STARD8: variants seen among roughly 807,000 people sequenced by gnomAD.
STARD8 encodes stAR-related lipid transfer protein 8.
A neutral mutation model predicts 69.4 loss-of-function variants in STARD8; 25 were observed. The ratio of observed to expected loss-of-function variants is 0.36; its 90% CI spans 0.26 to 0.50. The LOEUF (loss-of-function observed/expected upper bound fraction) is 0.50. Ranked by LOEUF, STARD8 falls within the 20% of genes least tolerant of loss-of-function variation. The pLI is 0.96. For synonymous variants in STARD8, 389 were observed against 374.6 expected, an observed-to-expected ratio of 1.04 and a Z score of -0.45; for missense variants, 921 against 932.5, an observed-to-expected ratio of 0.99 and a Z score of 0.16.
At chrX:68,715,182 CTT>C (rs950812779) in intron 3 of STARD8, 110 bp from the exon 4 acceptor site, 4 of 632,877 alleles carry the variant, frequency 6.3e-6, no homozygotes, top group Admixed American at 3.6e-5. Flanking sequence ...TGCTTTGCCT[CTT>C]GTCTTCCTGC....
intron 2 of STARD8, among the ~76,000 whole-genome samples, chrX:68,694,332 G>C (rs752102578): frequency 8.9e-6 from 1 of 112,913 alleles, no homozygotes; most frequent in African/African-American, 3.2e-5. Context: ...AAATGCCCAG[G>C]ACTTCTTGGT....
chrX:68,694,851 C>A (rs1046551956), intron 2 of STARD8, among the ~76,000 whole-genome samples: 5 of 110,904 alleles, frequency 4.5e-5, no homozygotes, highest in East Asian at 2.8e-4. Flanking sequence ...GCAGCCAGAC[C>A]AAGGTAGGGA....
At chrX:68,683,643 A>AATTT (rs2079813312) in intron 2 of STARD8, among the ~76,000 whole-genome samples, 2 of 112,349 alleles carry the variant, frequency 1.8e-5, no homozygotes, top group African/African-American at 6.5e-5. Context: ...AAGGATGCAT[A>AATTT]CTAGAGTTAA....
At chrX:68,671,359 T>C (rs1375450413) in intron 2 of STARD8, among the ~76,000 whole-genome samples, 1 of 112,329 alleles carries the variant, frequency 8.9e-6, no homozygotes, top group Non-Finnish European at 1.9e-5. Context: ...CCATAGCTAT[T>C]ACATTATAAA....
At position 68,721,106 on chromosome X, in the gene STARD8, C is replaced by T; in HGVS notation, c.2232C>T (p.Phe744=). 1 of 1,212,003 alleles carries T rather than the reference C, an allele frequency of 8.3e-7. No individual in the cohort carries two copies. The change falls in exon 9 of 15, where the codon TTC becomes TTT. Residue 744 remains phenylalanine (F), a synonymous_variant. Coordinates refer to ENST00000374599, the MANE Select transcript of STARD8 (RefSeq NM_001142503.3). ...TCACCAGCAAGCTCACCACCACTTT[C>T]CTCCAGATCTACCAGCGTGAGTCGC... ...PIFTSKLTTT[F]LQIYQLLPKD...
At chrX:68,660,454 A>G (rs973380252) in intron 1 of STARD8, among the ~76,000 whole-genome samples, 1 of 111,745 alleles carries the variant, frequency 8.9e-6, no homozygotes, top group African/African-American at 3.3e-5. Context: ...CCCAGCAGAC[A>G]TCACATCCCG....
At chrX:68,677,627 C>T (rs1005829762) in intron 2 of STARD8, among the ~76,000 whole-genome samples, 1 of 111,588 alleles carries the variant, frequency 9.0e-6, no homozygotes, top group Non-Finnish European at 1.9e-5. Context: ...TGAAGCCAAA[C>T]CCAGCTGAGA....
chrX:68,655,124 A>G (rs2079603297), intron 1 of STARD8, among the ~76,000 whole-genome samples: 3 of 111,532 alleles, frequency 2.7e-5, no homozygotes, highest in South Asian at 7.7e-4. Context: ...CCTCTATCAC[A>G]TCTTACCAAA....
At chrX:68,691,551 G>A (rs763361775) in intron 2 of STARD8, among the ~76,000 whole-genome samples, 8 of 112,109 alleles carry the variant, frequency 7.1e-5, no homozygotes, top group African/African-American at 2.6e-4. Flanking sequence ...CCCTGATATC[G>A]CTTGGGCCAT....
chrX:68,682,167 T>C (rs1352953080), intron 2 of STARD8, among the ~76,000 whole-genome samples: 1 of 110,622 alleles, frequency 9.0e-6, no homozygotes, highest in African/African-American at 3.3e-5. Context: ...CCTGGCTAAT[T>C]TTTGTATTTT....
intron 1 of STARD8, among the ~76,000 whole-genome samples, chrX:68,650,916 T>G (rs2079544883): frequency 8.9e-6 from 1 of 112,888 alleles, no homozygotes; most frequent in African/African-American, 3.2e-5. Context: ...CGCATTCACT[T>G]ATGAGTGTGT....
At chrX:68,700,801 T>C (rs1213203697) in intron 2 of STARD8, among the ~76,000 whole-genome samples, 2 of 112,233 alleles carry the variant, frequency 1.8e-5, no homozygotes, top group Non-Finnish European at 3.8e-5. Context: ...TCCTGAGCTG[T>C]ACACAAGCTC....
chrX:68,693,716 C>G (rs2079895675), intron 2 of STARD8: 1 of 755,020 alleles, frequency 1.3e-6, no homozygotes, highest in Non-Finnish European at 1.6e-6. Context: ...CACCCCTGCC[C>G]GACCCCAGGC....
intron 1 of STARD8, among the ~76,000 whole-genome samples, chrX:68,648,769 A>G (rs963457956): frequency 4.5e-5 from 5 of 112,023 alleles, no homozygotes; most frequent in African/African-American, 1.6e-4. Flanking sequence ...GGGATACATG[A>G]GCACAGCCGA....
At chrX:68,716,266 G>A in intron 4 of STARD8, 102 bp from the exon 5 acceptor site, 1 of 810,125 alleles carries the variant, frequency 1.2e-6, no homozygotes, top group Non-Finnish European at 1.8e-6. Context: ...CTTGCGAGAA[G>A]TTTTGATGGC....
At chrX:68,650,539 C>T (rs945853761) in intron 1 of STARD8, among the ~76,000 whole-genome samples, 4 of 103,959 alleles carry the variant, frequency 3.8e-5, no homozygotes, top group East Asian at 3.1e-4. Context: ...TATGGTGTCA[C>T]GCCTGTAATC....
chrX:68,724,643 C>A lies in STARD8; in HGVS notation c.*221C>A. On this transcript the variant is annotated 3_prime_UTR_variant, in exon 15 of 15. Transcript: ENST00000374599. The stretch of plus-strand genomic sequence containing the variant: ...CTCCACTCCCCCTTCACCCCCAACC[C>A]TGTATTCTACTCTCCCGAAAAGAGA... 1 of 361,565 alleles carries A rather than the reference C, an allele frequency of 2.8e-6. No homozygotes were observed. The highest frequency in any genetic ancestry group is 4.8e-6 in the Non-Finnish European group (1 of 209,064). 29.8% of individuals were successfully genotyped at this position (361,565 alleles called of 1,213,427 possible).
chrX:68,649,561 T>C (rs370249897), intron 1 of STARD8, among the ~76,000 whole-genome samples: 21 of 111,131 alleles, frequency 1.9e-4, no homozygotes, highest in Admixed American at 6.8e-4. Context: ...TATTCTTTAT[T>C]TGGAGACTGT....
intron 2 of STARD8, among the ~76,000 whole-genome samples, chrX:68,675,391 G>A (rs766586021): frequency 8.9e-6 from 1 of 111,763 alleles, no homozygotes; most frequent in African/African-American, 3.2e-5. Context: ...ACCATGCCTT[G>A]CCCTAGTTTT....
Sources: allele counts gnomAD v4.1 joint callset (sites outside exome capture counted in the v4.1 genomes callset), GRCh38; gene constraint gnomAD v4.1.1; transcripts MANE v1.5; gene names NCBI Gene and HGNC (gene_info 2026-07-23, HGNC 2026-07-21).